C14orf132: variants seen among roughly 807,000 people sequenced by gnomAD.
C14orf132 encodes chromosome 14 open reading frame 132.
C14orf132 carries 6 observed loss-of-function variants against 5.8 expected under a neutral mutation model. That is an observed-to-expected ratio of 1.03 (90% CI 0.57 to 2.04). The LOEUF is 2.04. Among genes scored for constraint, C14orf132 ranks in the 30% most tolerant of loss-of-function variants. The probability of loss-of-function intolerance (pLI) is 0.00; values close to 1 mark genes in which losing one functional copy is unlikely to be tolerated. For missense variants in C14orf132, 125 were observed against 115.8 expected (o/e 1.08, Z -0.37); for synonymous variants, 51 against 49.8 (o/e 1.02, Z -0.10).
intron 1 of C14orf132, among the ~76,000 whole-genome samples, chr14:96,079,842 T>C (rs942889459): frequency 6.6e-6 from 1 of 152,246 alleles, no homozygotes; most frequent in Non-Finnish European, 1.5e-5. Context: ...GTACAAATTC[T>C]GAAATTGCTG....
chr14:96,074,704 C>CT (rs533379440), intron 1 of C14orf132, among the ~76,000 whole-genome samples: 24 of 152,104 alleles, frequency 1.6e-4, no homozygotes, highest in Non-Finnish European at 2.9e-4. Flanking sequence ...ATTGAATTGC[C>CT]TTTGCAATTT....
chr14:96,083,849 C>A (rs777675145), intron 1 of C14orf132, among the ~76,000 whole-genome samples: 1 of 152,158 alleles, frequency 6.6e-6, no homozygotes, highest in Admixed American at 6.5e-5. Flanking sequence ...AAATACCTGC[C>A]GGGAGGCAGA....
intron 1 of C14orf132, among the ~76,000 whole-genome samples, chr14:96,071,921 T>C (rs7146632): frequency 0.53 from 79,992 of 152,118 alleles, 21,266 homozygotes; most frequent in East Asian, 0.62. Flanking sequence ...AGCACAGTTC[T>C]GGGGCATGCC....
intron 1 of C14orf132, among the ~76,000 whole-genome samples, chr14:96,065,785 A>G (rs374956639): frequency 3.9e-5 from 6 of 152,268 alleles, no homozygotes; most frequent in African/African-American, 1.2e-4. Flanking sequence ...AGTGGCAAGG[A>G]ATTTAATCTG....
chr14:96,051,738 G>T (rs1453848081), intron 1 of C14orf132, among the ~76,000 whole-genome samples: 1 of 152,122 alleles, frequency 6.6e-6, no homozygotes, highest in East Asian at 1.9e-4. Flanking sequence ...TTCCACCCGG[G>T]TCCTGCTGCG....
chr14:96,071,103 T>A (rs944587210), intron 1 of C14orf132, among the ~76,000 whole-genome samples: 2 of 152,276 alleles, frequency 1.3e-5, no homozygotes, highest in African/African-American at 2.4e-5. Context: ...TTAATTGACT[T>A]ACAGTTCCAC....
chr14:96,067,537 C>A (rs552476927), intron 1 of C14orf132, among the ~76,000 whole-genome samples: 1 of 151,874 alleles, frequency 6.6e-6, no homozygotes, highest in South Asian at 2.1e-4. Flanking sequence ...CCATCTCTAC[C>A]AAAAATACAA....
chr14:96,086,651 C>A lies in C14orf132; in HGVS notation c.168C>A (p.Asn56Lys), dbSNP rs777467451. The A allele has an allele frequency of 3.3e-5, 50 of 1,536,180 alleles. No homozygotes were observed. Among genetic ancestry groups the A allele is most frequent in the Non-Finnish European group, 4.3e-5 (49 of 1,146,920 alleles). ...CGGAAGATCCTCCTCGGTCCTCCAA[C>A]GACGCCGTCTTGCTATGGATTGCCA... The part of the protein sequence containing the change: ...GQPEDPPRSS[N>K]DAVLLWIAII... The change falls in exon 2 of 2, where the codon AAC (asparagine) becomes AAA (lysine). Residue 56 changes from asparagine (N) to lysine (K), a missense_variant. Asn to Lys is a moderately conservative substitution (Grantham distance 94). Coordinates refer to ENST00000555004, the MANE Select transcript of C14orf132 (RefSeq NM_001252507.3).
chr14:96,076,493 A>G (rs1188176321), intron 1 of C14orf132, among the ~76,000 whole-genome samples: 2 of 151,636 alleles, frequency 1.3e-5, no homozygotes, highest in Non-Finnish European at 2.9e-5. Context: ...CCTCTTCCTA[A>G]TTTCTTAAGG....
At chr14:96,070,265 CGTT>C (rs1887664961) in intron 1 of C14orf132, among the ~76,000 whole-genome samples, 2 of 152,114 alleles carry the variant, frequency 1.3e-5, no homozygotes, top group Non-Finnish European at 2.9e-5. Context: ...TTCTTTACCT[CGTT>C]GTTTACTTTT....
chr14:96,071,620 A>G (rs1027796659), intron 1 of C14orf132, among the ~76,000 whole-genome samples: 8 of 152,198 alleles, frequency 5.3e-5, no homozygotes, highest in African/African-American at 1.9e-4. Flanking sequence ...CCAGCTTGCC[A>G]CAGTCCCAGC....
At chr14:96,074,485 G>A (rs151234248) in intron 1 of C14orf132, among the ~76,000 whole-genome samples, 8 of 150,152 alleles carry the variant, frequency 5.3e-5, no homozygotes, top group African/African-American at 1.7e-4. Context: ...TTCTAAACGT[G>A]TTATAGTTTT....
intron 1 of C14orf132, among the ~76,000 whole-genome samples, chr14:96,065,038 C>T (rs181930943): frequency 6.6e-6 from 1 of 152,228 alleles, no homozygotes; most frequent in African/African-American, 2.4e-5. Flanking sequence ...TCCTCCCATA[C>T]ATAGGTAGGG....
chr14:96,070,272 T>G (rs1887665120), intron 1 of C14orf132, among the ~76,000 whole-genome samples: 1 of 152,156 alleles, frequency 6.6e-6, no homozygotes, highest in South Asian at 2.1e-4. Flanking sequence ...CCTCGTTGTT[T>G]ACTTTTTAAA....
chr14:96,075,652 T>G (rs1375101875), intron 1 of C14orf132, among the ~76,000 whole-genome samples: 1 of 152,244 alleles, frequency 6.6e-6, no homozygotes, highest in Non-Finnish European at 1.5e-5. Flanking sequence ...TGTTTACTTT[T>G]GTCAAATGCT....
intron 1 of C14orf132, among the ~76,000 whole-genome samples, chr14:96,052,343 T>C (rs1887052553): frequency 6.6e-6 from 1 of 152,210 alleles, no homozygotes; most frequent in African/African-American, 2.4e-5. Context: ...CACAGGAGGC[T>C]GAAAGAATTG....
In C14orf132 at chr14:96,086,798, C is replaced by A. The variant is rs1461831002; in HGVS notation, c.*63C>A. ...GCACGTAGCTCTGACTTGCTGTCGGCCTTTGGCTTCTCCTGTGTTCTAGAA... is the reference window on the plus strand; with the variant it reads ...GCACGTAGCTCTGACTTGCTGTCGGACTTTGGCTTCTCCTGTGTTCTAGAA... On this transcript the variant is annotated 3_prime_UTR_variant, in exon 2 of 2. Transcript: ENST00000555004. 8.9e-6 allele frequency: 13 copies of A among 1,463,916 alleles called. No individual in the cohort carries two copies. Among genetic ancestry groups the A allele is most frequent in the Non-Finnish European group, 1.1e-5 (12 of 1,088,704 alleles). 90.7% of individuals were successfully genotyped at this position (1,463,916 alleles called of 1,614,324 possible).
intron 1 of C14orf132, among the ~76,000 whole-genome samples, chr14:96,063,908 C>T (rs533664161): frequency 6.6e-6 from 1 of 152,128 alleles, no homozygotes; most frequent in South Asian, 2.1e-4. Context: ...AAAAAGTGAG[C>T]TAAGGACATG....
chr14:96,079,367 A>G (rs1253654558), intron 1 of C14orf132, among the ~76,000 whole-genome samples: 1 of 152,182 alleles, frequency 6.6e-6, no homozygotes, highest in Non-Finnish European at 1.5e-5. Context: ...CAGCTCTTAT[A>G]ATGAATCCCA....
Sources: allele counts gnomAD v4.1 joint callset (sites outside exome capture counted in the v4.1 genomes callset), GRCh38; gene constraint gnomAD v4.1.1; transcripts MANE v1.5; gene names NCBI Gene and HGNC (gene_info 2026-07-23, HGNC 2026-07-21).